Variants in PHACTR3 observed in about 807,000 individuals in gnomAD.
The protein encoded by PHACTR3 is protein phosphatase 1, regulatory subunit 123.
Under a neutral mutation model 66.8 loss-of-function variants are expected in PHACTR3, and 16 were observed. That is an observed-to-expected ratio of 0.24 (90% confidence interval 0.16 to 0.36). The LOEUF is 0.36. Ranked by LOEUF, PHACTR3 falls within the 10% of genes least tolerant of loss-of-function variation. The pLI, the probability that PHACTR3 is intolerant of heterozygous loss-of-function variation, is 1.00. For synonymous variants in PHACTR3, 323 were observed against 292.1 expected (o/e 1.11, Z -1.08); for missense variants, 647 against 719.9 (o/e 0.90, Z 1.16).
intron 1 of PHACTR3, among the ~76,000 whole-genome samples, chr20:59,629,174 G>A (rs2034573125): frequency 6.6e-6 from 1 of 152,250 alleles, no homozygotes; most frequent in African/African-American, 2.4e-5. Context: ...TGGGCGACGT[G>A]TGTGGATGCT....
Position 59,673,311 on chromosome 20 carries a change from T to C in PHACTR3, c.118+68179T>C, listed in dbSNP as rs140897708. On this transcript the variant is annotated intron_variant, in intron 1 of 12. Coordinates refer to ENST00000371015, the MANE Select transcript of PHACTR3 (RefSeq NM_080672.5). Reference sequence around the variant, plus strand: ...ATCCTTCACTCTGTGGCCTGTTGTTTTAAGTTTTCAATAAGACCTGGTATT... The same window carrying C: ...ATCCTTCACTCTGTGGCCTGTTGTTCTAAGTTTTCAATAAGACCTGGTATT... Among the ~76,000 whole-genome samples the C allele has an allele frequency of 1.5e-3, 228 of 152,288 alleles. 3 individuals are homozygous for C. The highest frequency in any genetic ancestry group is 0.011 in the South Asian group (52 of 4,818).
At chr20:59,832,001 C>A (rs1207638827) in intron 8 of PHACTR3, among the ~76,000 whole-genome samples, 1 of 152,126 alleles carries the variant, frequency 6.6e-6, no homozygotes, top group African/African-American at 2.4e-5. Flanking sequence ...CACTGTGGGG[C>A]AGGGGTGGTG....
At chr20:59,752,637 C>T (rs2039638894) in intron 3 of PHACTR3, among the ~76,000 whole-genome samples, 1 of 126,888 alleles carries the variant, frequency 7.9e-6, no homozygotes, top group Admixed American at 8.0e-5. Flanking sequence ...TGGTGCTTTT[C>T]TGAGTCTGGA....
At position 59,605,175 on chromosome 20, in the gene PHACTR3, G is replaced by A. The variant is rs1442596384; in HGVS notation, c.118+43G>A. 8.0e-6 allele frequency: 10 copies of A among 1,247,918 alleles called. No homozygotes were observed. In the East Asian group the frequency reaches 2.5e-4, roughly 32 times the overall value. 77.3% of individuals were successfully genotyped at this position (1,247,918 alleles called of 1,614,324 possible). A position where few individuals can be genotyped will look rare whatever the true frequency, so the allele number is the denominator to read the frequency against. On this transcript the variant is annotated intron_variant, in intron 1 of 12. Transcript: ENST00000371015. ...GGCGGCGGGCGGGTCGGGGAGGCCC[G>A]AGGCAGGTGGCGCTGAGAGCAGGAC...
intron 8 of PHACTR3, among the ~76,000 whole-genome samples, chr20:59,812,746 G>A (rs559849735): frequency 2.0e-5 from 3 of 152,328 alleles, no homozygotes; most frequent in African/African-American, 7.2e-5. Context: ...AAGCGGGGGA[G>A]GAATCAGCTT....
At chr20:59,795,557 C>G (rs1264486666) in intron 7 of PHACTR3, among the ~76,000 whole-genome samples, 1 of 152,030 alleles carries the variant, frequency 6.6e-6, no homozygotes, top group African/African-American at 2.4e-5. Flanking sequence ...ACTGGATGAT[C>G]TGTCCATTGC....
intron 7 of PHACTR3, among the ~76,000 whole-genome samples, chr20:59,799,666 T>TTA (rs1398962359): frequency 6.6e-6 from 1 of 152,128 alleles, no homozygotes; most frequent in Non-Finnish European, 1.5e-5. Flanking sequence ...ATTTGTAACT[T>TTA]TATATATAGT....
At position 59,820,057 on chromosome 20, in the gene PHACTR3, T is replaced by C. The variant is rs1294667542; in HGVS notation, c.1328+13863T>C. Among the ~76,000 whole-genome samples the C allele has an allele frequency of 6.6e-6, 1 of 152,152 alleles. No individual in the cohort carries two copies. Among genetic ancestry groups the C allele is most frequent in the Non-Finnish European group, 1.5e-5 (1 of 68,010 alleles). On this transcript the variant is annotated intron_variant, in intron 8 of 12. Transcript: ENST00000371015. This position sits in a 1 kb window ranked among gnomAD's most constrained non-coding sequence, Gnocchi z 4.6. ...CGTTGCTGGGGCTTCCGGTCTCTCT[T>C]TGTTTAGAAATCTCAGGGCAAGTGG...
intron 3 of PHACTR3, among the ~76,000 whole-genome samples, chr20:59,753,360 C>T (rs985122277): frequency 1.3e-5 from 2 of 152,126 alleles, no homozygotes; most frequent in African/African-American, 2.4e-5. Flanking sequence ...CCGGAGGAGA[C>T]GTGTGCGGCA....
At chr20:59,840,138 C>T (rs770567600) in intron 9 of PHACTR3, among the ~76,000 whole-genome samples, 3 of 152,110 alleles carry the variant, frequency 2.0e-5, no homozygotes, top group African/African-American at 4.8e-5. Context: ...GCTGAGGAGA[C>T]CAGGTTGGGA....
At chr20:59,780,556 T>A (rs1171364559) in intron 7 of PHACTR3, among the ~76,000 whole-genome samples, 2 of 152,164 alleles carry the variant, frequency 1.3e-5, no homozygotes, top group African/African-American at 4.8e-5. Context: ...TTCCACCTAA[T>A]GATCTAATCA....
intron 5 of PHACTR3, among the ~76,000 whole-genome samples, chr20:59,769,705 A>G (rs114276716): frequency 6.6e-6 from 1 of 152,234 alleles, no homozygotes; most frequent in African/African-American, 2.4e-5. Context: ...AGTACAGGGC[A>G]TACAGCAGGC....
At chr20:59,739,625 G>A (rs1568765713) in intron 1 of PHACTR3, among the ~76,000 whole-genome samples, 1 of 152,092 alleles carries the variant, frequency 6.6e-6, no homozygotes, top group East Asian at 1.9e-4. Context: ...ACAGCATGGG[G>A]GAAACCACCT....
intron 1 of PHACTR3, among the ~76,000 whole-genome samples, chr20:59,595,183 C>T (rs1237950815): frequency 1.3e-5 from 2 of 152,072 alleles, no homozygotes; most frequent in East Asian, 1.9e-4. Flanking sequence ...TGTTAATGTG[C>T]CGGGCGTGGT....
At chr20:59,599,290 C>T (rs1475398636) in intron 1 of PHACTR3, among the ~76,000 whole-genome samples, 2 of 152,220 alleles carry the variant, frequency 1.3e-5, no homozygotes, top group African/African-American at 4.8e-5. Flanking sequence ...CTTGGGTGAA[C>T]AAACACAACA....
chr20:59,651,870 TAG>T (rs2035471837), intron 1 of PHACTR3, among the ~76,000 whole-genome samples: 1 of 150,970 alleles, frequency 6.6e-6, no homozygotes, highest in Non-Finnish European at 1.5e-5. Flanking sequence ...GGTAGGTAGG[TAG>T]GTAGGTAGAT....
intron 4 of PHACTR3, 64 bp from the exon 5 acceptor site, chr20:59,767,122 T>C (rs1601306278): frequency 1.3e-6 from 2 of 1,551,106 alleles, no homozygotes; most frequent in East Asian, 4.6e-5. Flanking sequence ...CTTGCTTTGC[T>C]CTCTTACTTC....
At chr20:59,697,193 A>T (rs2037329117) in intron 1 of PHACTR3, among the ~76,000 whole-genome samples, 1 of 152,158 alleles carries the variant, frequency 6.6e-6, no homozygotes, top group Non-Finnish European at 1.5e-5. Context: ...CCCGGGTTTG[A>T]CCAGGAGCCC....
chr20:59,635,157 C>CTTTCTTTCTT (rs2034830993), intron 1 of PHACTR3, among the ~76,000 whole-genome samples: 2 of 51,598 alleles, frequency 3.9e-5, no homozygotes, highest in African/African-American at 8.4e-5. Flanking sequence ...CTTTTTCTTT[C>CTTTCTTTCTT]TTTCTTTCTT....
Sources: allele counts gnomAD v4.1 joint callset (sites outside exome capture counted in the v4.1 genomes callset), GRCh38; gene constraint gnomAD v4.1.1; non-coding constraint Gnocchi (gnomAD v3.1); transcripts MANE v1.5; gene names NCBI Gene and HGNC (gene_info 2026-07-23, HGNC 2026-07-21).